The following UNC13B variants were observed in gnomAD, a reference collection of about 807,000 sequenced individuals.
UNC13B encodes the protein protein unc-13 homolog B.
A neutral mutation model predicts 211.0 loss-of-function variants in UNC13B; 144 were observed. The observed-to-expected ratio is 0.68, with a 90% CI of 0.60 to 0.78. The LOEUF is 0.78. UNC13B is among the 30% of genes least tolerant of loss of function. The pLI is 0.00. For missense variants in UNC13B, 1,777 were observed against 2,002.0 expected, an observed-to-expected ratio of 0.89 and a Z score of 2.14; for synonymous variants, 709 against 725.8, an observed-to-expected ratio of 0.98 and a Z score of 0.37.
intron 1 of UNC13B, among the ~76,000 whole-genome samples, chr9:35,191,116 C>T (rs764187607): frequency 1.1e-4 from 16 of 152,096 alleles, no homozygotes; most frequent in Non-Finnish European, 1.6e-4. Context: ...CCAGCCACCA[C>T]ACCCAGCTAA....
chr9:35,183,464 G>A lies in UNC13B; in HGVS notation c.22+21159G>A, dbSNP rs190917615. Among the ~76,000 whole-genome samples the A allele has an allele frequency of 1.4e-3, 146 of 107,774 alleles. 2 individuals are homozygous for A. The highest frequency in any genetic ancestry group is 0.012 in the East Asian group (20 of 1,634). The allele number at this position is 107,774 out of a possible 152,430, so 70.7% of individuals were successfully genotyped here. ...GGCAGAGGAGCCCCTCACCTCCCAG[G>A]CAGGGCGGCCGGGCAGAGGCGCTCC... On this transcript the variant is annotated intron_variant, in intron 1 of 39. Transcript: ENST00000635942.
At chr9:35,378,264 C>A (rs371007493) in intron 16 of UNC13B, 31 bp from the exon 17 acceptor site, 10 of 1,613,674 alleles carry the variant, frequency 6.2e-6, no homozygotes, top group Admixed American at 1.7e-5. Flanking sequence ...CTGAACGACT[C>A]TGAAGCCTCC....
rs1172856019 is a variant in UNC13B, at chr9:35,403,777, C to A, written c.12767C>A (p.Ser4256Tyr). 2 of 1,613,952 alleles carry A rather than the reference C, an allele frequency of 1.2e-6. No individual in the cohort carries two copies. The highest frequency in any genetic ancestry group is 2.7e-5 in the African/African-American group (2 of 74,878). ...CTGGGAAATGAGGAGGGGCCCGAGTCCTATGAGTTGCAGATATGCGTGAAG... is the reference window on the plus strand; with the variant it reads ...CTGGGAAATGAGGAGGGGCCCGAGTACTATGAGTTGCAGATATGCGTGAAG... ...FLLGNEEGPE[S>Y]YELQICVKDY... The change falls in exon 40 of 40, where the codon TCC (serine) becomes TAC (tyrosine). Residue 4256 changes from serine to tyrosine, a missense_variant. Transcript: ENST00000635942.
chr9:35,230,081 G>A (rs1287314742), intron 2 of UNC13B, among the ~76,000 whole-genome samples: 2 of 152,170 alleles, frequency 1.3e-5, no homozygotes, highest in Non-Finnish European at 2.9e-5. Flanking sequence ...AGACACCTGA[G>A]TTTGAAGTTT....
At chr9:35,199,012 C>A (rs1823109057) in intron 1 of UNC13B, among the ~76,000 whole-genome samples, 1 of 152,174 alleles carries the variant, frequency 6.6e-6, no homozygotes, top group African/African-American at 2.4e-5. Flanking sequence ...CCTCCCCGCT[C>A]CCCCTACTGC....
intron 7 of UNC13B, among the ~76,000 whole-genome samples, chr9:35,263,411 G>A (rs910722434): frequency 1.3e-5 from 2 of 150,574 alleles, no homozygotes; most frequent in African/African-American, 2.4e-5. Flanking sequence ...ACCCCTGCAC[G>A]TACCAAAATC....
chr9:35,358,600 G>A (rs1422016165), intron 11 of UNC13B, among the ~76,000 whole-genome samples: 1 of 151,560 alleles, frequency 6.6e-6, no homozygotes. Flanking sequence ...TGTCATAGCT[G>A]AGAAATCATT....
intron 7 of UNC13B, among the ~76,000 whole-genome samples, chr9:35,280,442 C>G (rs1564110386): frequency 6.6e-6 from 1 of 152,102 alleles, no homozygotes. Context: ...AAGGATCAGA[C>G]AGGGTATAGC....
rs1829812419 is a variant in UNC13B, at chr9:35,304,062, A to G, written c.4658A>G (p.Tyr1553Cys). Residue 1553 changes from tyrosine (Y) to cysteine (C), a missense_variant, in exon 9 of 40, where the codon TAT (tyrosine) becomes TGT (cysteine). Tyr to Cys is a radical substitution (Grantham distance 194, BLOSUM62 -2). Coordinates refer to ENST00000635942, the MANE Select transcript of UNC13B (RefSeq NM_001371189.2). ...ACTGATTCTACTGGGCAGTATGCAT[A>G]TTTATTTATACCTGATTCTTATCAA... ...LLTDSTGQYA[Y>C]LFIPDSYQEY... is the part of the protein sequence containing the mutation. 2 of 398,654 alleles carry G rather than the reference A, an allele frequency of 5.0e-6. No homozygotes were observed. The highest frequency in any genetic ancestry group is 8.8e-5 in the Admixed American group (2 of 22,686). 24.7% of individuals were successfully genotyped at this position (398,654 alleles called of 1,614,324 possible).
chr9:35,379,529 A>G (rs1834679146), intron 17 of UNC13B, among the ~76,000 whole-genome samples: 1 of 152,190 alleles, frequency 6.6e-6, no homozygotes, highest in African/African-American at 2.4e-5. Context: ...AGCTACCAGG[A>G]GAAACACCTG....
intron 14 of UNC13B, 138 bp downstream of exon 14, chr9:35,375,339 A>G (rs1245846259): frequency 3.3e-6 from 3 of 917,474 alleles, no homozygotes. Flanking sequence ...GATAGATAGC[A>G]TCAGGTGTTA....
At chr9:35,383,832 T>C (rs949157754) in intron 21 of UNC13B, among the ~76,000 whole-genome samples, 1 of 152,178 alleles carries the variant, frequency 6.6e-6, no homozygotes, top group Non-Finnish European at 1.5e-5. Flanking sequence ...ATAACTGTTA[T>C]GCACTACCCC....
At chr9:35,370,520 T>C in intron 13 of UNC13B, 124 bp downstream of exon 13, 1 of 859,506 alleles carries the variant, frequency 1.2e-6, no homozygotes, top group South Asian at 1.7e-5. Flanking sequence ...TGATCAATCA[T>C]TTAAAGCCTT....
Position 35,303,163 on chromosome 9 carries a change from A to G in UNC13B, c.3759A>G (p.Leu1253=), listed in dbSNP as rs896528154. The G allele has an allele frequency of 1.0e-5, 4 of 398,590 alleles. No homozygotes were observed. The highest frequency in any genetic ancestry group is 2.1e-5 in the African/African-American group (1 of 48,614). The allele number at this position is 398,590 out of a possible 1,614,324, so 24.7% of individuals were successfully genotyped here. ...HETSSFIEAS[L]LPKENIPLSD... is the part of the protein sequence containing the mutation. ...CTTCTAGCTTCATAGAAGCCTCCTT[A>G]TTACCTAAAGAAAACATACCATTAT... is the stretch of plus-strand genomic sequence containing the variant. Residue 1253 remains leucine, a synonymous_variant, in exon 9 of 40, where the codon TTA becomes TTG. Transcript: ENST00000635942.
chr9:35,220,142 ATTC>A (rs1824493583), intron 1 of UNC13B, among the ~76,000 whole-genome samples: 2 of 151,700 alleles, frequency 1.3e-5, no homozygotes, highest in Non-Finnish European at 1.5e-5. Context: ...CTTATTTTGT[ATTC>A]TTTAATTTTT....
intron 11 of UNC13B, among the ~76,000 whole-genome samples, chr9:35,322,932 T>C (rs1322761650): frequency 6.6e-6 from 1 of 152,020 alleles, no homozygotes; most frequent in African/African-American, 2.4e-5. Flanking sequence ...CATTCTAACA[T>C]TTCTAAAAAA....
intron 14 of UNC13B, 120 bp downstream of exon 14, chr9:35,375,321 A>G: frequency 1.9e-6 from 2 of 1,069,232 alleles, no homozygotes; most frequent in Non-Finnish European, 2.9e-6. Flanking sequence ...CACATTGCTG[A>G]TGAAAAAGAT....
rs768036641 is a variant in UNC13B at position 35,295,925 on chromosome 9, T to C, written c.756T>C (p.Ala252=). 13 of 1,605,208 alleles carry C rather than the reference T, an allele frequency of 8.1e-6. No homozygotes were observed. The highest frequency in any genetic ancestry group is 6.8e-6 in the Non-Finnish European group (8 of 1,175,602). ...SYDLDYPERR[A]IRYAQKYDTL... ...ACCTTGATTATCCAGAGCGGCGGGC[T>C]ATCAGGTGGGTATTGAGCACAAAGT... The change falls in exon 8 of 40, where the codon GCT becomes GCC. Residue 252 remains alanine, a synonymous_variant. Transcript: ENST00000635942.
chr9:35,223,301 G>A (rs1792215192), intron 1 of UNC13B, among the ~76,000 whole-genome samples: 1 of 152,082 alleles, frequency 6.6e-6, no homozygotes, highest in African/African-American at 2.4e-5. Flanking sequence ...ACTAATTCAC[G>A]TTCCTGTCCA....
Sources: allele counts gnomAD v4.1 joint callset (sites outside exome capture counted in the v4.1 genomes callset), GRCh38; gene constraint gnomAD v4.1.1; transcripts MANE v1.5; gene names NCBI Gene and HGNC (gene_info 2026-07-23, HGNC 2026-07-21).